The following SH3KBP1 variants were observed in gnomAD, a reference collection of about 807,000 sequenced individuals.
The protein encoded by SH3KBP1 is SH3 domain containing kinase binding protein 1, also known as SH3 domain-containing kinase-binding protein 1.
A neutral mutation model predicts 50.1 loss-of-function variants in SH3KBP1; 8 were observed. The observed-to-expected ratio is 0.16, with a 90% CI of 0.09 to 0.29. The LOEUF (loss-of-function observed/expected upper bound fraction) is 0.29. Among genes scored for constraint, SH3KBP1 ranks in the 10% least tolerant of loss-of-function variants. SH3KBP1 has a pLI of 1.00. For synonymous variants in SH3KBP1, 227 were observed against 218.6 expected (o/e 1.04, Z -0.34); for missense variants, 377 against 535.2 (o/e 0.70, Z 2.92).
chrX:19,663,446 A>C (rs1003675848), intron 6 of SH3KBP1, among the ~76,000 whole-genome samples: 4 of 111,362 alleles, frequency 3.6e-5, no homozygotes, highest in Non-Finnish European at 7.5e-5. Flanking sequence ...AATGTTCTCC[A>C]CTTATAAGTT....
intron 2 of SH3KBP1, among the ~76,000 whole-genome samples, chrX:19,766,717 T>A (rs1006982110): frequency 9.2e-6 from 1 of 109,096 alleles, no homozygotes; most frequent in Non-Finnish European, 1.9e-5. Context: ...GGTCTCGACC[T>A]CCTTACCTCG....
At chrX:19,749,049 A>G (rs1159266909) in intron 2 of SH3KBP1, among the ~76,000 whole-genome samples, 1 of 112,718 alleles carries the variant, frequency 8.9e-6, no homozygotes. Context: ...ACGATGTTCA[A>G]CATCATTAGT....
chrX:19,754,292 T>A (rs1194752673), intron 2 of SH3KBP1, among the ~76,000 whole-genome samples: 1 of 112,000 alleles, frequency 8.9e-6, no homozygotes, highest in Non-Finnish European at 1.9e-5. Context: ...AGAGATAATG[T>A]TGCTTCCCGA....
intron 1 of SH3KBP1, among the ~76,000 whole-genome samples, chrX:19,871,208 A>G (rs2069033927): frequency 8.9e-6 from 1 of 112,745 alleles, no homozygotes; most frequent in South Asian, 3.6e-4. Flanking sequence ...GGCGATTCAT[A>G]AAATGACCAC....
Position 19,574,946 on chromosome X carries a change from G to C in SH3KBP1, c.1299-5758C>G, listed in dbSNP as rs780337245. Among the ~76,000 whole-genome samples, 58 of 112,078 alleles carry C rather than the reference G, an allele frequency of 5.2e-4. No homozygotes were observed. The Middle Eastern group carries it at 0.014, about 27-fold the overall frequency. ...AATGAGGCTGTTAGAAGAGGCCTCAGAAGAAACAAACCCTGCAGCTACCTT... is the reference window on the plus strand; with the variant it reads ...AATGAGGCTGTTAGAAGAGGCCTCACAAGAAACAAACCCTGCAGCTACCTT... On this transcript the variant is annotated intron_variant, in intron 12 of 17. Coordinates refer to ENST00000397821, the MANE Select transcript of SH3KBP1 (RefSeq NM_031892.3).
intron 12 of SH3KBP1, among the ~76,000 whole-genome samples, chrX:19,587,906 C>T (rs766274429): frequency 2.0e-4 from 22 of 112,520 alleles, no homozygotes; most frequent in Non-Finnish European, 9.4e-5. Context: ...ACATATAATA[C>T]ATATATATTT....
intron 2 of SH3KBP1, among the ~76,000 whole-genome samples, chrX:19,799,228 A>C (rs991128157): frequency 9.0e-6 from 1 of 111,391 alleles, no homozygotes; most frequent in Non-Finnish European, 1.9e-5. Context: ...ACCTCACTGC[A>C]GAAATGGATG....
At chrX:19,703,696 C>CTCTGTG (rs1459116402) in intron 4 of SH3KBP1, among the ~76,000 whole-genome samples, 50 of 63,503 alleles carry the variant, frequency 7.9e-4, no homozygotes, top group African/African-American at 2.6e-3. Flanking sequence ...AAAAGAGAAA[C>CTCTGTG]TGTGTGTGTG....
intron 6 of SH3KBP1, 78 bp downstream of exon 6, chrX:19,683,745 C>G: frequency 2.1e-6 from 2 of 932,143 alleles, no homozygotes; most frequent in Non-Finnish European, 3.1e-6. Flanking sequence ...GAATTGGAAG[C>G]CTCCAGCACC....
chrX:19,638,607 C>T (rs751279140), intron 7 of SH3KBP1, among the ~76,000 whole-genome samples: 1 of 111,228 alleles, frequency 9.0e-6, no homozygotes, highest in African/African-American at 3.3e-5. Flanking sequence ...TGGGACCACG[C>T]TGTGAGAACC....
intron 2 of SH3KBP1, among the ~76,000 whole-genome samples, chrX:19,781,492 C>A (rs1470814463): frequency 9.2e-6 from 1 of 109,110 alleles, no homozygotes; most frequent in Non-Finnish European, 1.9e-5. Flanking sequence ...GTGGCATGCA[C>A]CTGTGGTCCC....
At chrX:19,797,984 A>G (rs1263556242) in intron 2 of SH3KBP1, among the ~76,000 whole-genome samples, 1 of 111,311 alleles carries the variant, frequency 9.0e-6, no homozygotes, top group East Asian at 2.8e-4. Flanking sequence ...TAAACACATT[A>G]AATGAAACAA....
At chrX:19,588,533 C>T (rs761407134) in intron 12 of SH3KBP1, 110 bp downstream of exon 12, 19 of 1,210,675 alleles carry the variant, frequency 1.6e-5, no homozygotes, top group South Asian at 1.1e-4. Flanking sequence ...GAAGCTTGAG[C>T]ACCCCCTTCT....
chrX:19,544,349 G>T (rs1455891176), intron 15 of SH3KBP1, among the ~76,000 whole-genome samples: 1 of 110,388 alleles, frequency 9.1e-6, no homozygotes, highest in Non-Finnish European at 1.9e-5. Context: ...GCAACGATCG[G>T]TTGGCACAAG....
chrX:19,807,691 T>G (rs1325059168), intron 2 of SH3KBP1, among the ~76,000 whole-genome samples: 5 of 112,275 alleles, frequency 4.5e-5, no homozygotes, highest in Admixed American at 3.8e-4. Context: ...CTTGTTAAGC[T>G]CATTCTGAAA....
At chrX:19,631,783 G>A (rs1241938559) in intron 8 of SH3KBP1, 81 bp downstream of exon 8, 53 of 541,889 alleles carry the variant, frequency 9.8e-5, no homozygotes, top group Non-Finnish European at 1.3e-4. Context: ...GCTTTCAAGC[G>A]CTGAAGCAAA....
At chrX:19,618,385 CAA>C (rs1169013925) in intron 8 of SH3KBP1, among the ~76,000 whole-genome samples, 4 of 18,217 alleles carry the variant, frequency 2.2e-4, no homozygotes, top group African/African-American at 3.3e-4. Context: ...GACTCTGTCT[CAA>C]AAAAAAAAAA....
chrX:19,634,524 A>G (rs2061657898), intron 7 of SH3KBP1, among the ~76,000 whole-genome samples: 2 of 111,270 alleles, frequency 1.8e-5, no homozygotes, highest in African/African-American at 6.5e-5. Flanking sequence ...TTGCTGCAGC[A>G]TATCTCAGCC....
intron 2 of SH3KBP1, among the ~76,000 whole-genome samples, chrX:19,768,966 T>C (rs1217590576): frequency 9.1e-6 from 1 of 110,376 alleles, no homozygotes; most frequent in African/African-American, 3.3e-5. Flanking sequence ...TTTGTTCTTA[T>C]TCCATGTAAA....
Sources: gnomAD v4.1 joint callset for allele counts (sites outside exome capture counted in the v4.1 genomes callset) on GRCh38, gnomAD v4.1.1 for gene constraint, MANE v1.5 for transcripts, NCBI Gene and HGNC (gene_info 2026-07-23, HGNC 2026-07-21) for gene names.